Variants in BTD observed in about 807,000 individuals in gnomAD.
The protein encoded by BTD is biocytinase.
A neutral mutation model predicts 17.7 loss-of-function variants in BTD; 13 were observed. That is an observed-to-expected ratio of 0.74 (90% CI 0.48 to 1.17). The LOEUF is 1.17. Ranked by LOEUF, BTD falls within the 50% of genes most tolerant of loss-of-function variation. BTD has a pLI of 0.00. For synonymous variants in BTD, 240 were observed against 245.2 expected (o/e 0.98, Z 0.20); for missense variants, 674 against 650.4 (o/e 1.04, Z -0.39).
At chr3:15,673,530 A>G (rs2066593645) in intron 3 of BTD, among the ~76,000 whole-genome samples, 1 of 152,270 alleles carries the variant, frequency 6.6e-6, no homozygotes, top group Admixed American at 6.5e-5. Flanking sequence ...ACAAAAAAGT[A>G]CATTATATAC....
chr3:15,601,379 G>T, upstream of BTD: 1 of 1,614,050 alleles, frequency 6.2e-7, no homozygotes, highest in Non-Finnish European at 8.5e-7. Context: ...AAGGTCCATC[G>T]TACTTGCGTT....
intron 3 of BTD, 62 bp from the exon 4 acceptor site, chr3:15,644,254 C>T (rs1559598820): frequency 1.3e-6 from 2 of 1,521,526 alleles, no homozygotes; most frequent in Non-Finnish European, 9.0e-7. Context: ...CCCGCCTCAG[C>T]CTCCCACAGT....
chr3:15,608,692 G>T (rs2064528347), intron 1 of BTD, among the ~76,000 whole-genome samples: 1 of 151,932 alleles, frequency 6.6e-6, no homozygotes, highest in South Asian at 2.1e-4. Flanking sequence ...CTTGAACCCA[G>T]GAGTTGGAGG....
At position 15,652,712 on chromosome 3, in the gene BTD, C is replaced by G. The variant is rs757916941; in HGVS notation, c.*7224C>G. Among the ~76,000 whole-genome samples the G allele has an allele frequency of 2.6e-5, 4 of 152,188 alleles. No homozygotes were observed. The highest frequency in any genetic ancestry group is 6.5e-5 in the Admixed American group (1 of 15,284). On this transcript the variant is annotated 3_prime_UTR_variant, in exon 4 of 4. Transcript: ENST00000643237. ...AATACAATAGTCTTGCTACCAGCAC[C>G]TTAATCTCCCACATCCAAGTTAAAA...
intron 3 of BTD, among the ~76,000 whole-genome samples, chr3:15,708,764 T>G (rs1373824214): frequency 6.6e-6 from 1 of 152,214 alleles, no homozygotes; most frequent in Non-Finnish European, 1.5e-5. Flanking sequence ...AATTATGGTG[T>G]CAAATAGTTT....
chr3:15,665,825 T>C (rs183874742), intron 3 of BTD, among the ~76,000 whole-genome samples: 94 of 152,326 alleles, frequency 6.2e-4, no homozygotes, highest in Admixed American at 5.8e-3. Flanking sequence ...TGGAAACTTC[T>C]GTATAACTTT....
intron 3 of BTD, among the ~76,000 whole-genome samples, chr3:15,674,614 A>C (rs576456796): frequency 1.2e-3 from 181 of 152,350 alleles, no homozygotes; most frequent in Non-Finnish European, 2.2e-3. Flanking sequence ...AATCCTCAGC[A>C]TTATAGGTAG....
At chr3:15,677,844 A>T (rs2067105358) in intron 3 of BTD, among the ~76,000 whole-genome samples, 1 of 152,194 alleles carries the variant, frequency 6.6e-6, no homozygotes, top group South Asian at 2.1e-4. Flanking sequence ...GATTTAAAGT[A>T]ATTTATTTAA....
chr3:15,603,350 G>A (rs1256308703), intron 1 of BTD, among the ~76,000 whole-genome samples: 1 of 152,130 alleles, frequency 6.6e-6, no homozygotes, highest in Admixed American at 6.5e-5. Flanking sequence ...CCGCCTATGA[G>A]CCTGTAAAAT....
At chr3:15,634,352 C>A (rs919876580) in intron 1 of BTD, among the ~76,000 whole-genome samples, 1 of 152,180 alleles carries the variant, frequency 6.6e-6, no homozygotes. Flanking sequence ...AGTTGTTCAG[C>A]CCCAGGACAT....
chr3:15,702,805 C>T (rs1182196161), intron 3 of BTD, among the ~76,000 whole-genome samples: 1 of 152,088 alleles, frequency 6.6e-6, no homozygotes, highest in East Asian at 1.9e-4. Context: ...TGGCATACAA[C>T]AGTTCTTACC....
chr3:15,604,636 G>C (rs571490889), intron 1 of BTD, among the ~76,000 whole-genome samples: 46 of 152,274 alleles, frequency 3.0e-4, no homozygotes, highest in African/African-American at 1.1e-3. Context: ...CTACTGCATC[G>C]TCAGTCTGCA....
At position 15,709,857 on chromosome 3, in the gene BTD, T is replaced by C. The variant is rs187209186; in HGVS notation, c.400-203T>C. ...AAGATAAATGTGACAAAAATGATGATTTACATTCTATGAAGAATAAAACAT... is the reference window on the plus strand; with the variant it reads ...AAGATAAATGTGACAAAAATGATGACTTACATTCTATGAAGAATAAAACAT... On this transcript the variant is annotated intron_variant, in intron 3 of 3. Coordinates refer to the BTD transcript ENST00000672141. The C allele has an allele frequency of 6.7e-4, 397 of 589,152 alleles. 1 individual carries two copies. The highest frequency in any genetic ancestry group is 6.2e-3 in the African/African-American group (325 of 52,338). The allele number at this position is 589,152 out of a possible 1,614,324, so 36.5% of individuals were successfully genotyped here.
intron 3 of BTD, among the ~76,000 whole-genome samples, chr3:15,708,763 G>A (rs751533250): frequency 5.3e-5 from 8 of 152,116 alleles, no homozygotes; most frequent in Non-Finnish European, 1.0e-4. Flanking sequence ...TAATTATGGT[G>A]TCAAATAGTT....
intron 3 of BTD, chr3:15,679,440 C>T (rs1332418021): frequency 6.2e-7 from 1 of 1,613,636 alleles, no homozygotes; most frequent in South Asian, 1.1e-5. Context: ...TCTTAAAACA[C>T]TCAAACCAAA....
chr3:15,720,945 T>C (rs777641762), intron 4 of BTD: 19 of 1,613,790 alleles, frequency 1.2e-5, no homozygotes, highest in East Asian at 8.9e-5. Context: ...CATTGCCAAC[T>C]AGAAGCTCTA....
chr3:15,712,208 C>G, exon 4 of BTD: 1 of 1,581,190 alleles, frequency 6.3e-7, no homozygotes, highest in Non-Finnish European at 8.6e-7. Flanking sequence ...GGGGAACATT[C>G]CATGTATGCC....
At chr3:15,620,583 T>C (rs1044042866) in intron 1 of BTD, among the ~76,000 whole-genome samples, 28 of 152,238 alleles carry the variant, frequency 1.8e-4, no homozygotes, top group African/African-American at 6.8e-4. Context: ...TACAATCAAT[T>C]TGTACAGTTA....
At position 15,644,523 on chromosome 3, in the gene BTD, G is replaced by A; in HGVS notation, c.607G>A (p.Val203Ile). ...HNLYFEAAFD[V>I]PLKVDLITFD... ...CCTCTACTTTGAGGCAGCATTCGATGTTCCTCTTAAAGTGGATCTCATCAC... is the reference window on the plus strand; with the variant it reads ...CCTCTACTTTGAGGCAGCATTCGATATTCCTCTTAAAGTGGATCTCATCAC... The change falls in exon 4 of 4, where the codon GTT (valine) becomes ATT (isoleucine). Residue 203 changes from valine (V) to isoleucine (I), a missense_variant. Coordinates refer to ENST00000643237, the MANE Select transcript of BTD (RefSeq NM_001370658.1). 1 of 1,614,116 alleles carries A rather than the reference G, an allele frequency of 6.2e-7. No homozygotes were observed. The highest frequency in any genetic ancestry group is 8.5e-7 in the Non-Finnish European group (1 of 1,180,014).
Sources: allele counts gnomAD v4.1 joint callset (sites outside exome capture counted in the v4.1 genomes callset), GRCh38; gene constraint gnomAD v4.1.1; transcripts MANE v1.5; gene names NCBI Gene and HGNC (gene_info 2026-07-23, HGNC 2026-07-21).